Variants in MPHOSPH6 observed in about 807,000 individuals in gnomAD.
MPHOSPH6 encodes M-phase phosphoprotein 6.
Under a neutral mutation model 21.8 loss-of-function variants are expected in MPHOSPH6, and 25 were observed. That is an observed-to-expected ratio of 1.15 (90% CI 0.83 to 1.60). MPHOSPH6 has a LOEUF of 1.60. MPHOSPH6 is among the 40% of genes most tolerant of loss of function. The pLI is 0.00. For synonymous variants in MPHOSPH6, 84 were observed against 56.5 expected (o/e 1.49, Z -2.18); for missense variants, 269 against 181.8 (o/e 1.48, Z -2.76).
intron 1 of MPHOSPH6, 30 bp from the exon 2 acceptor site, chr16:82,164,224 A>G (rs1906692952): frequency 6.8e-7 from 1 of 1,466,184 alleles, no homozygotes; most frequent in African/African-American, 1.4e-5. Context: ...CAATGTCAGA[A>G]ACTTTTCCCA....
Position 82,164,080 on chromosome 16 carries a change from A to G in MPHOSPH6, c.164+2T>C. The G allele has an allele frequency of 1.3e-6, 2 of 1,594,944 alleles. No individual in the cohort carries two copies. The highest frequency in any genetic ancestry group is 1.7e-5 in the Admixed American group (1 of 59,390). Reference sequence around the variant, plus strand: ...CATCAGTATCAATTTTAATAAACCTACTCTTTCTCTTTAAGCTCTGGCAAA... The same window carrying G: ...CATCAGTATCAATTTTAATAAACCTGCTCTTTCTCTTTAAGCTCTGGCAAA... On this transcript the variant is annotated splice_donor_variant, in intron 2 of 4. Coordinates refer to ENST00000258169, the MANE Select transcript of MPHOSPH6 (RefSeq NM_005792.2). LOFTEE classifies it high-confidence loss of function.
intron 2 of MPHOSPH6, among the ~76,000 whole-genome samples, chr16:82,158,753 C>T (rs1392655736): frequency 6.6e-6 from 1 of 152,050 alleles, no homozygotes; most frequent in East Asian, 1.9e-4. Flanking sequence ...GTTAGAATTC[C>T]GAATAGCTTT....
At position 82,166,621 on chromosome 16, in the gene MPHOSPH6, C is replaced by T. The variant is rs751118480; in HGVS notation, c.52-2427G>A. 4.6e-5 allele frequency among the ~76,000 whole-genome samples: 7 copies of T among 152,092 alleles called. No individual in the cohort carries two copies. The South Asian group carries it at 6.2e-4, about 14-fold the overall frequency. ...TCATCTTGTATCATTGGTACTTAGGCGGCACCCCTGGTACACAAAAGAGCT... is the reference window on the plus strand; with the variant it reads ...TCATCTTGTATCATTGGTACTTAGGTGGCACCCCTGGTACACAAAAGAGCT... On this transcript the variant is annotated intron_variant, in intron 1 of 4. Coordinates refer to ENST00000258169, the MANE Select transcript of MPHOSPH6 (RefSeq NM_005792.2).
chr16:82,152,682 C>T (rs543640787), intron 2 of MPHOSPH6, among the ~76,000 whole-genome samples: 9 of 152,246 alleles, frequency 5.9e-5, no homozygotes, highest in South Asian at 4.2e-4. Flanking sequence ...GGGCTGAGCA[C>T]GACACCACTG....
chr16:82,163,527 G>C (rs1222969614), intron 2 of MPHOSPH6, among the ~76,000 whole-genome samples: 2 of 152,184 alleles, frequency 1.3e-5, no homozygotes, highest in Non-Finnish European at 2.9e-5. Context: ...CAAAGTGACA[G>C]AATCATAGGA....
intron 2 of MPHOSPH6, among the ~76,000 whole-genome samples, chr16:82,159,140 A>G (rs371077106): frequency 1.2e-4 from 18 of 152,218 alleles, no homozygotes; most frequent in African/African-American, 4.3e-4. Flanking sequence ...GATTTTCTTT[A>G]TATACTTCAA....
chr16:82,163,852 C>T, intron 2 of MPHOSPH6: 1 of 424,168 alleles, frequency 2.4e-6, no homozygotes, highest in Non-Finnish European at 4.1e-6. Context: ...TAGGTTCCTT[C>T]ATTCAATGTA....
intron 2 of MPHOSPH6, among the ~76,000 whole-genome samples, chr16:82,162,535 T>C (rs1443117241): frequency 2.0e-5 from 3 of 152,166 alleles, no homozygotes; most frequent in African/African-American, 7.2e-5. Flanking sequence ...TAGCAGCTCC[T>C]GTAAGGTGCT....
chr16:82,156,392 T>C (rs114373575), intron 2 of MPHOSPH6, among the ~76,000 whole-genome samples: 1,928 of 152,176 alleles, frequency 0.013, 37 homozygotes, highest in African/African-American at 0.044. Context: ...GGATGGGGGA[T>C]GAACAAATAT....
At position 82,148,193 on chromosome 16, in the gene MPHOSPH6, A is replaced by T. The variant is rs1056690; in HGVS notation, c.*538T>A. 21,884 of 152,210 alleles carry T rather than the reference A, an allele frequency of 0.14. 2,252 individuals are homozygous for T. The highest frequency in any genetic ancestry group is 0.34 in the Admixed American group (5,191 of 15,288). The allele number at this position is 152,210 out of a possible 1,614,324, so 9.4% of individuals were successfully genotyped here. On this transcript the variant is annotated 3_prime_UTR_variant, in exon 5 of 5. Transcript: ENST00000258169. ...AAAGTAGATTTTTATTACAGAGCAA[A>T]TTTTTCTATCAATTCAATGCTTTAA...
At chr16:82,150,504 T>A (rs1161102147) in intron 3 of MPHOSPH6, among the ~76,000 whole-genome samples, 1 of 152,184 alleles carries the variant, frequency 6.6e-6, no homozygotes, top group Non-Finnish European at 1.5e-5. Flanking sequence ...CTAGAATCTT[T>A]CAATAAACTC....
chr16:82,149,769 A>G (rs541656116), intron 3 of MPHOSPH6, among the ~76,000 whole-genome samples: 1 of 152,246 alleles, frequency 6.6e-6, no homozygotes, highest in Admixed American at 6.5e-5. Context: ...CCCATCTTTA[A>G]GCCATATGGA....
Position 82,148,800 on chromosome 16 carries a change from A to C in MPHOSPH6, c.414T>G (p.Tyr138Ter), listed in dbSNP as rs199892964. 1.4e-5 allele frequency: 22 copies of C among 1,613,956 alleles called. No individual in the cohort carries two copies. The highest frequency in any genetic ancestry group is 1.9e-5 in the Non-Finnish European group (22 of 1,180,016). ...KFARKRDHANYEEDENGDITP... is the reference protein window; with the variant it reads ...KFARKRDHAN ...TTATGTCTCCATTTTCATCTTCTTC[A>C]TAATTGGCATGGTCTCTCTTTCTGG... The change falls in exon 5 of 5, where the codon TAT (tyrosine) becomes TAG (stop). Residue 138 changes from tyrosine (Y) to a stop codon, truncating the protein, a stop_gained. Transcript: ENST00000258169. LOFTEE classifies it high-confidence loss of function.
In MPHOSPH6 at chr16:82,170,222, C is replaced by A. The variant is rs755795293; in HGVS notation, c.-47G>T. The A allele has an allele frequency of 8.4e-6, 13 of 1,553,586 alleles. No individual in the cohort carries two copies. Among genetic ancestry groups the A allele is most frequent in the Non-Finnish European group, 1.7e-6 (2 of 1,152,074 alleles). On this transcript the variant is annotated 5_prime_UTR_variant, in exon 1 of 5. The change abolishes an upstream ATG in the 5' untranslated region. Transcript: ENST00000258169. Reference sequence around the variant, plus strand: ...CACTCCGGCCGCGAGCCTCACCGCACATGCGCGGAGCCGCGTGCGCAGCTG... The same window carrying A: ...CACTCCGGCCGCGAGCCTCACCGCAAATGCGCGGAGCCGCGTGCGCAGCTG...
chr16:82,151,630 T>C (rs1237376462), intron 2 of MPHOSPH6, 116 bp from the exon 3 acceptor site: 7 of 1,303,370 alleles, frequency 5.4e-6, no homozygotes, highest in African/African-American at 1.5e-5. Flanking sequence ...GAAGTAAAAA[T>C]ACAGTAAGAT....
chr16:82,149,911 A>C (rs1567611097), intron 3 of MPHOSPH6, among the ~76,000 whole-genome samples: 1 of 25,970 alleles, frequency 3.9e-5, no homozygotes, highest in Non-Finnish European at 1.2e-4. Context: ...TTACCCTCCT[A>C]AACTTTAGAG....
intron 1 of MPHOSPH6, among the ~76,000 whole-genome samples, chr16:82,166,553 G>C (rs1025289650): frequency 6.6e-6 from 1 of 152,142 alleles, no homozygotes; most frequent in Non-Finnish European, 1.5e-5. Flanking sequence ...TGCTGCTTTG[G>C]TGTCTCCCAG....
At chr16:82,153,326 A>T (rs1311787944) in intron 2 of MPHOSPH6, among the ~76,000 whole-genome samples, 1 of 152,238 alleles carries the variant, frequency 6.6e-6, no homozygotes, top group Non-Finnish European at 1.5e-5. Context: ...AAAACAGGAC[A>T]AAATATAAAA....
intron 2 of MPHOSPH6, among the ~76,000 whole-genome samples, chr16:82,154,955 G>A (rs1906383693): frequency 6.6e-6 from 1 of 152,106 alleles, no homozygotes; most frequent in African/African-American, 2.4e-5. Flanking sequence ...ATATAGATGT[G>A]AAAATCATCA....
Sources: gnomAD v4.1 joint callset for allele counts (sites outside exome capture counted in the v4.1 genomes callset) on GRCh38, gnomAD v4.1.1 for gene constraint, MANE v1.5 for transcripts, NCBI Gene and HGNC (gene_info 2026-07-23, HGNC 2026-07-21) for gene names.